The following PTPRE variants were observed in gnomAD, a reference collection of about 807,000 sequenced individuals.
PTPRE encodes the protein protein tyrosine phosphatase receptor type E.
In PTPRE, 51 loss-of-function variants were observed where a neutral mutation model predicts 102.0. The ratio of observed to expected loss-of-function variants is 0.50; its 90% CI spans 0.40 to 0.63. The LOEUF (loss-of-function observed/expected upper bound fraction) is 0.63, where lower values mean the gene tolerates loss of function less well. Ranked by LOEUF, PTPRE falls within the 30% of genes least tolerant of loss-of-function variation. The pLI is 0.00. For synonymous variants in PTPRE, 345 were observed against 348.2 expected, an observed-to-expected ratio of 0.99 and a Z score of 0.10; for missense variants, 752 against 915.1, an observed-to-expected ratio of 0.82 and a Z score of 2.30.
At chr10:128,079,020 G>GAGA (rs1403066963) in intron 19 of PTPRE, among the ~76,000 whole-genome samples, 6 of 152,242 alleles carry the variant, frequency 3.9e-5, no homozygotes, top group Admixed American at 3.9e-4. Context: ...ATGGTAAATG[G>GAGA]AGATGACTCA....
chr10:127,959,241 CA>C (rs992506909), intron 1 of PTPRE, among the ~76,000 whole-genome samples: 1 of 152,196 alleles, frequency 6.6e-6, no homozygotes, highest in African/African-American at 2.4e-5. Flanking sequence ...AGGTTAACAA[CA>C]AGTTGGGACT....
At chr10:128,047,568 C>A in intron 4 of PTPRE, 79 bp downstream of exon 4, 1 of 1,611,314 alleles carries the variant, frequency 6.2e-7, no homozygotes, top group African/African-American at 1.3e-5. Context: ...TGGGCGTGGG[C>A]TGTGCAGCAG....
Position 128,083,542 on chromosome 10 carries a change from T to A in PTPRE, c.*636T>A, listed in dbSNP as rs1851889182. On this transcript the variant is annotated 3_prime_UTR_variant, in exon 21 of 21. Coordinates refer to ENST00000254667, the MANE Select transcript of PTPRE (RefSeq NM_006504.6). ...AATGCTGTGTCTACACCATCAAGAC[T>A]GTGTCTACACTATCTTGGCTGAACG... 6.6e-6 allele frequency: 1 copy of A among 152,210 alleles called. No homozygotes were observed. Among genetic ancestry groups the A allele is most frequent in the Non-Finnish European group, 1.5e-5 (1 of 68,078 alleles). 9.4% of individuals were successfully genotyped at this position (152,210 alleles called of 1,614,324 possible).
chr10:127,924,558 G>T (rs1482656436), intron 1 of PTPRE, among the ~76,000 whole-genome samples: 2 of 152,170 alleles, frequency 1.3e-5, no homozygotes, highest in African/African-American at 2.4e-5. Context: ...CACAAGATCA[G>T]GCAGACATGG....
intron 1 of PTPRE, among the ~76,000 whole-genome samples, chr10:127,943,858 A>G (rs1848422276): frequency 6.6e-6 from 1 of 152,152 alleles, no homozygotes. Context: ...GACTGGAATG[A>G]CCGTGCCCAC....
chr10:128,070,429 C>A lies in PTPRE; in HGVS notation c.1272C>A (p.Ile424=). 5 of 1,613,940 alleles carry A rather than the reference C, an allele frequency of 3.1e-6. No homozygotes were observed. The highest frequency in any genetic ancestry group is 1.1e-5 in the South Asian group (1 of 91,028). The change falls in exon 14 of 21, where the codon ATC becomes ATA. Residue 424 remains isoleucine (I), a synonymous_variant. Transcript: ENST00000254667. This position sits in a 1 kb window ranked among gnomAD's most constrained non-coding sequence, Gnocchi z 4.8. The stretch of plus-strand genomic sequence containing the variant: ...GCACCACCACCCACTTCGACAAGAT[C>A]GGGCTGGAGGAGGAGTTCAGGGTGA... ...MHGTTTHFDK[I]GLEEEFRKLT...
At position 128,070,184 on chromosome 10, in the gene PTPRE, C is replaced by A; in HGVS notation, c.1144-117C>A. 8.0e-7 allele frequency: 1 copy of A among 1,255,210 alleles called. No individual in the cohort carries two copies. Among genetic ancestry groups the A allele is most frequent in the Admixed American group, 2.5e-5 (1 of 39,444 alleles). 77.8% of individuals were successfully genotyped at this position (1,255,210 alleles called of 1,614,324 possible). A position where few individuals can be genotyped will look rare whatever the true frequency, so the allele number is the denominator to read the frequency against. On this transcript the variant is annotated intron_variant, in intron 13 of 20. Coordinates refer to ENST00000254667, the MANE Select transcript of PTPRE (RefSeq NM_006504.6). The surrounding 1 kb of genome is among the most constrained non-coding windows in gnomAD (Gnocchi z 4.8). Reference sequence around the variant, plus strand: ...TACTCTGACTCTTGCCTCACACCTCCTTGTGTTGGCAAAAAGAGAAAAAGA... The same window carrying A: ...TACTCTGACTCTTGCCTCACACCTCATTGTGTTGGCAAAAAGAGAAAAAGA...
chr10:127,938,106 C>T (rs565579720), intron 1 of PTPRE, among the ~76,000 whole-genome samples: 400 of 152,256 alleles, frequency 2.6e-3, no homozygotes, highest in Non-Finnish European at 3.1e-3. Context: ...TGCCTCTTGC[C>T]AAGTGCTGCC....
chr10:128,070,643 C>T lies in PTPRE; in HGVS notation c.1294-165C>T, dbSNP rs955882812. Reference sequence around the variant, plus strand: ...TGGCTTTCAGAGCCTCATAGCAGCCCTACTAGGCACACATTTGTATTTCCC... The same window carrying T: ...TGGCTTTCAGAGCCTCATAGCAGCCTTACTAGGCACACATTTGTATTTCCC... On this transcript the variant is annotated intron_variant, in intron 14 of 20. Coordinates refer to ENST00000254667, the MANE Select transcript of PTPRE (RefSeq NM_006504.6). The surrounding 1 kb of genome is among the most constrained non-coding windows in gnomAD (Gnocchi z 4.8). Among the ~76,000 whole-genome samples the T allele has an allele frequency of 6.6e-6, 1 of 152,320 alleles. No homozygotes were observed. The highest frequency in any genetic ancestry group is 1.5e-5 in the Non-Finnish European group (1 of 68,028).
At chr10:128,064,384 G>A (rs1455648625) in intron 10 of PTPRE, among the ~76,000 whole-genome samples, 2 of 152,274 alleles carry the variant, frequency 1.3e-5, no homozygotes, top group Non-Finnish European at 2.9e-5. Flanking sequence ...CCCTTGTCAT[G>A]CTTTGTCATG....
chr10:128,041,874 TAACCCTGGACAAATGTCCTGCA>T (rs910667032), intron 3 of PTPRE, among the ~76,000 whole-genome samples: 5 of 152,066 alleles, frequency 3.3e-5, no homozygotes, highest in South Asian at 2.1e-4. Flanking sequence ...CATGATTCCC[TAACCCTGGACAAATGTCCTGCA>T]AACCCTGGAC....
intron 2 of PTPRE, among the ~76,000 whole-genome samples, chr10:127,991,207 G>A (rs1589930155): frequency 6.6e-6 from 1 of 152,216 alleles, no homozygotes; most frequent in East Asian, 1.9e-4. Flanking sequence ...ATTTGAGCAA[G>A]ATCGAATTCA....
At position 128,046,958 on chromosome 10, in the gene PTPRE, G is replaced by T. The variant is rs377255931; in HGVS notation, c.110-432G>T. Among the ~76,000 whole-genome samples the T allele has an allele frequency of 2.8e-4, 43 of 152,280 alleles. No homozygotes were observed. The East Asian group carries it at 3.3e-3, about 12-fold the overall frequency. On this transcript the variant is annotated intron_variant, in intron 3 of 20. Coordinates refer to ENST00000254667, the MANE Select transcript of PTPRE (RefSeq NM_006504.6). ...CTCTGCCCAGCCCCAGGGCCAGGCC[G>T]CCTCCCTGTGCCTGAGCTCCTGCCC...
At chr10:127,983,176 G>T (rs954055169) in intron 2 of PTPRE, among the ~76,000 whole-genome samples, 4 of 152,200 alleles carry the variant, frequency 2.6e-5, no homozygotes, top group African/African-American at 7.2e-5. Flanking sequence ...TTGTGGCACT[G>T]TTCCATCTGG....
intron 2 of PTPRE, chr10:127,999,806 A>T: frequency 1.0e-6 from 1 of 985,464 alleles, no homozygotes; most frequent in Non-Finnish European, 1.2e-6. Flanking sequence ...CCTCAGAAGG[A>T]AAATTACAAA....
chr10:127,992,645 C>A (rs575196396), intron 2 of PTPRE, among the ~76,000 whole-genome samples: 1 of 152,258 alleles, frequency 6.6e-6, no homozygotes, highest in South Asian at 2.1e-4. Context: ...GGCCTGGAGC[C>A]TCTCCTTTTG....
chr10:127,919,508 T>C (rs1408823592), intron 1 of PTPRE, among the ~76,000 whole-genome samples: 1 of 152,240 alleles, frequency 6.6e-6, no homozygotes, highest in Non-Finnish European at 1.5e-5. Context: ...TCTAGTGGAC[T>C]GACCCCTTAT....
At chr10:127,940,201 C>T (rs1401861406) in intron 1 of PTPRE, among the ~76,000 whole-genome samples, 1 of 152,010 alleles carries the variant, frequency 6.6e-6, no homozygotes, top group Non-Finnish European at 1.5e-5. Flanking sequence ...AGGTTCTTGC[C>T]CATCCTATAC....
At chr10:127,916,652 C>T (rs746563684) in intron 1 of PTPRE, among the ~76,000 whole-genome samples, 1 of 152,096 alleles carries the variant, frequency 6.6e-6, no homozygotes. Context: ...TGTGTCCTGT[C>T]TGGGGAAGAG....
Sources: gnomAD v4.1 joint callset for allele counts (sites outside exome capture counted in the v4.1 genomes callset) on GRCh38, gnomAD v4.1.1 for gene constraint, Gnocchi (gnomAD v3.1) non-coding constraint, MANE v1.5 for transcripts, NCBI Gene and HGNC (gene_info 2026-07-23, HGNC 2026-07-21) for gene names.